The following CTNNA2 variants were observed in gnomAD, a reference collection of about 807,000 sequenced individuals.
CTNNA2 encodes the protein catenin alpha 2, also known as catenin alpha-2.
Under a neutral mutation model 101.0 loss-of-function variants are expected in CTNNA2, and 42 were observed. The ratio of observed to expected loss-of-function variants is 0.42; its 90% confidence interval spans 0.32 to 0.54. CTNNA2 has a LOEUF of 0.54. Ranked by LOEUF, CTNNA2 falls within the 20% of genes least tolerant of loss-of-function variation. CTNNA2 has a pLI of 0.14. For synonymous variants in CTNNA2, 450 were observed against 456.4 expected, an observed-to-expected ratio of 0.99 and a Z score of 0.18; for missense variants, 871 against 1,223.1, an observed-to-expected ratio of 0.71 and a Z score of 4.29.
intron 7 of CTNNA2, among the ~76,000 whole-genome samples, chr2:80,330,492 C>A (rs1319557283): frequency 7.1e-6 from 1 of 140,134 alleles, no homozygotes. Flanking sequence ...ACTGCATCTA[C>A]TTTTTTCTTT....
chr2:79,518,973 A>T (rs1558693175), intron 1 of CTNNA2, among the ~76,000 whole-genome samples: 1 of 152,132 alleles, frequency 6.6e-6, no homozygotes, highest in Non-Finnish European at 1.5e-5. Flanking sequence ...TCATGCCTGT[A>T]ATCCCAGCAC....
At chr2:80,271,834 T>A (rs1673514476) in intron 7 of CTNNA2, among the ~76,000 whole-genome samples, 1 of 152,332 alleles carries the variant, frequency 6.6e-6, no homozygotes, top group Middle Eastern at 3.4e-3. Context: ...AAAATATATC[T>A]GGGAGAAAAT....
At chr2:79,271,628 G>T (rs368884502) in intron 2 of CTNNA2, among the ~76,000 whole-genome samples, 4 of 152,018 alleles carry the variant, frequency 2.6e-5, no homozygotes, top group African/African-American at 9.7e-5. Flanking sequence ...GCAGCTCTCA[G>T]ATCTCCCGCT....
chr2:79,967,109 C>T (rs947346654), intron 7 of CTNNA2, among the ~76,000 whole-genome samples: 13 of 70,288 alleles, frequency 1.8e-4, no homozygotes, highest in African/African-American at 3.2e-4. Context: ...TGCACACACG[C>T]GCACGCACGT....
At chr2:80,436,328 T>C (rs765474234) in intron 9 of CTNNA2, among the ~76,000 whole-genome samples, 1 of 152,106 alleles carries the variant, frequency 6.6e-6, no homozygotes. Flanking sequence ...GTTGGAAATA[T>C]AGACTCTTGG....
At chr2:80,598,876 G>A (rs1457951481) in intron 15 of CTNNA2, among the ~76,000 whole-genome samples, 1 of 152,186 alleles carries the variant, frequency 6.6e-6, no homozygotes, top group African/African-American at 2.4e-5. Context: ...TTAGGAGTGG[G>A]TTAAATGGTA....
chr2:79,842,989 T>G (rs999905400), intron 3 of CTNNA2, among the ~76,000 whole-genome samples: 4 of 152,212 alleles, frequency 2.6e-5, no homozygotes, highest in African/African-American at 9.6e-5. Flanking sequence ...AAAATAGATT[T>G]GTACAATGCT....
intron 4 of CTNNA2, among the ~76,000 whole-genome samples, chr2:79,434,673 A>T (rs535495146): frequency 2.0e-5 from 3 of 152,260 alleles, no homozygotes; most frequent in Admixed American, 2.0e-4. Flanking sequence ...AGGAACAAAG[A>T]TCATCAGCCT....
intron 7 of CTNNA2, among the ~76,000 whole-genome samples, chr2:79,938,347 A>C (rs1469817641): frequency 6.6e-6 from 1 of 152,228 alleles, no homozygotes; most frequent in Admixed American, 6.5e-5. Flanking sequence ...AGTATCAGAA[A>C]CAGTGATGAA....
chr2:80,636,127 G>T (rs111308355), intron 18 of CTNNA2, among the ~76,000 whole-genome samples: 1 of 152,004 alleles, frequency 6.6e-6, no homozygotes, highest in African/African-American at 2.4e-5. Context: ...GTTAGTAAAT[G>T]TGTGCAGAGC....
At chr2:80,468,819 A>G (rs142645100) in intron 9 of CTNNA2, among the ~76,000 whole-genome samples, 170 of 152,326 alleles carry the variant, frequency 1.1e-3, no homozygotes, top group African/African-American at 3.8e-3. Flanking sequence ...CCTGCTCACT[A>G]GTAAGTGATC....
At chr2:80,347,838 C>CTTTTTTTTTTTTTTTT (rs778989197) in intron 7 of CTNNA2, among the ~76,000 whole-genome samples, 2 of 146,856 alleles carry the variant, frequency 1.4e-5, no homozygotes, top group African/African-American at 2.5e-5. Context: ...TTTTTCTTTT[C>CTTTTTTTTTTTTTTTT]TTTTCTTTTT....
chr2:79,933,383 C>G (rs979847715), intron 7 of CTNNA2, among the ~76,000 whole-genome samples: 1 of 151,828 alleles, frequency 6.6e-6, no homozygotes, highest in Admixed American at 6.6e-5. Context: ...TTGAATCTCA[C>G]AGAGTTAAGC....
At chr2:80,558,031 C>T (rs112761964) in intron 12 of CTNNA2, among the ~76,000 whole-genome samples, 4 of 152,120 alleles carry the variant, frequency 2.6e-5, no homozygotes, top group South Asian at 2.1e-4. Context: ...TAATTGAATA[C>T]GGTAGATGAG....
chr2:79,659,328 A>G (rs1681849272), intron 2 of CTNNA2, among the ~76,000 whole-genome samples: 1 of 151,814 alleles, frequency 6.6e-6, no homozygotes, highest in Admixed American at 6.6e-5. Context: ...GCATCATTAT[A>G]GTCATTTTTC....
intron 8 of CTNNA2, among the ~76,000 whole-genome samples, chr2:80,412,060 C>T (rs1471285455): frequency 1.2e-4 from 18 of 152,144 alleles, no homozygotes; most frequent in Non-Finnish European, 2.9e-5. Flanking sequence ...TTTCTGCTAA[C>T]ATTTTTAACA....
intron 7 of CTNNA2, among the ~76,000 whole-genome samples, chr2:80,257,578 A>G (rs1321893911): frequency 6.6e-6 from 1 of 152,196 alleles, no homozygotes; most frequent in Non-Finnish European, 1.5e-5. Context: ...GCAGTGCTGG[A>G]GAGAGGCTGG....
chr2:79,915,846 G>A (rs576296380), intron 7 of CTNNA2, among the ~76,000 whole-genome samples: 2 of 152,142 alleles, frequency 1.3e-5, no homozygotes, highest in Non-Finnish European at 2.9e-5. Context: ...GAGAGGCCCA[G>A]AACAACTAGT....
chr2:80,082,557 C>G (rs542389230), intron 7 of CTNNA2, among the ~76,000 whole-genome samples: 1 of 151,968 alleles, frequency 6.6e-6, no homozygotes, highest in East Asian at 1.9e-4. Context: ...TGCATTTGGT[C>G]GGTGGGTGAC....
Sources: allele counts gnomAD v4.1 joint callset (sites outside exome capture counted in the v4.1 genomes callset), GRCh38; gene constraint gnomAD v4.1.1; transcripts MANE v1.5; gene names NCBI Gene and HGNC (gene_info 2026-07-23, HGNC 2026-07-21).